The following CTNNA3 variants were observed in gnomAD, a reference collection of about 807,000 sequenced individuals.
The protein encoded by CTNNA3 is catenin alpha 3, also known as catenin alpha-3.
A neutral mutation model predicts 95.7 loss-of-function variants in CTNNA3; 76 were observed. That is an observed-to-expected ratio of 0.79 (90% CI 0.66 to 0.96). The LOEUF is 0.96. CTNNA3 is among the 40% of genes least tolerant of loss of function. The probability of loss-of-function intolerance (pLI) is 0.00; values close to 1 mark genes in which losing one functional copy is unlikely to be tolerated. For synonymous variants in CTNNA3, 431 were observed against 374.4 expected, an observed-to-expected ratio of 1.15 and a Z score of -1.74; for missense variants, 1,191 against 1,089.8, an observed-to-expected ratio of 1.09 and a Z score of -1.31.
In CTNNA3 at chr10:67,606,929, C is replaced by T; in HGVS notation, c.220G>A (p.Glu74Lys). 2 of 1,614,152 alleles carry T rather than the reference C, an allele frequency of 1.2e-6. No individual in the cohort carries two copies. The highest frequency in any genetic ancestry group is 1.7e-6 in the Non-Finnish European group (2 of 1,179,978). The change falls in exon 3 of 18, where the codon GAG (glutamate) becomes AAG (lysine). Residue 74 changes from glutamate to lysine, a missense_variant. Coordinates refer to ENST00000433211, the MANE Select transcript of CTNNA3 (RefSeq NM_013266.4). ...EATWNLLDKG[E>K]KIAQEATVLK... is the part of the protein sequence containing the mutation. ...ACTGTAGCTTCCTGGGCAATCTTCT[C>T]TCCCTTGTCTAATAAATTCCAAGTT...
intron 10 of CTNNA3, among the ~76,000 whole-genome samples, chr10:66,581,753 C>G (rs117860158): frequency 6.6e-6 from 1 of 151,458 alleles, no homozygotes; most frequent in Non-Finnish European, 1.5e-5. Flanking sequence ...CCTAGGTACT[C>G]TTCTAGATCT....
intron 9 of CTNNA3, among the ~76,000 whole-genome samples, chr10:66,756,212 A>G (rs1407632916): frequency 6.6e-6 from 1 of 152,172 alleles, no homozygotes; most frequent in Non-Finnish European, 1.5e-5. Flanking sequence ...GTGAAAAAAG[A>G]GGAGGACAGG....
At chr10:66,637,698 A>G (rs1249953694) in intron 9 of CTNNA3, among the ~76,000 whole-genome samples, 1 of 152,144 alleles carries the variant, frequency 6.6e-6, no homozygotes, top group South Asian at 2.1e-4. Flanking sequence ...TGAGATGGTA[A>G]CCTTAATGAG....
intron 7 of CTNNA3, among the ~76,000 whole-genome samples, chr10:67,139,231 C>T (rs1860431685): frequency 1.3e-5 from 2 of 151,788 alleles, no homozygotes. Context: ...CTCCCAGGTT[C>T]AAGTGCTTCT....
intron 9 of CTNNA3, among the ~76,000 whole-genome samples, chr10:66,705,418 G>C (rs559383035): frequency 7.2e-5 from 11 of 152,094 alleles, no homozygotes; most frequent in African/African-American, 2.6e-4. Flanking sequence ...AAAAATAATT[G>C]TATATACTTG....
chr10:67,382,090 T>C (rs1359786861), intron 5 of CTNNA3, among the ~76,000 whole-genome samples: 1 of 152,214 alleles, frequency 6.6e-6, no homozygotes, highest in Non-Finnish European at 1.5e-5. Flanking sequence ...AATGTTAGTT[T>C]CTTTCATTCT....
At chr10:66,043,153 AAGAGAG>A (rs1160878030) in intron 15 of CTNNA3, among the ~76,000 whole-genome samples, 1 of 132,286 alleles carries the variant, frequency 7.6e-6, no homozygotes, top group African/African-American at 2.8e-5. Flanking sequence ...AAAAAAAAAA[AAGAGAG>A]AGAGAGAAGA....
At chr10:67,399,442 T>C (rs1266953404) in intron 5 of CTNNA3, among the ~76,000 whole-genome samples, 1 of 152,220 alleles carries the variant, frequency 6.6e-6, no homozygotes, top group Non-Finnish European at 1.5e-5. Context: ...AGTAATCAAA[T>C]AAAATTTGCA....
chr10:66,490,685 A>G (rs958939928), intron 11 of CTNNA3, among the ~76,000 whole-genome samples: 1 of 152,140 alleles, frequency 6.6e-6, no homozygotes, highest in Non-Finnish European at 1.5e-5. Context: ...GCCCACTTGA[A>G]CTCATGTGGT....
intron 7 of CTNNA3, among the ~76,000 whole-genome samples, chr10:66,865,132 T>C (rs1844115562): frequency 6.6e-6 from 1 of 152,064 alleles, no homozygotes; most frequent in South Asian, 2.1e-4. Context: ...AATACAGATA[T>C]TGAAGTAGAT....
intron 7 of CTNNA3, among the ~76,000 whole-genome samples, chr10:67,130,109 C>T (rs1859920828): frequency 6.6e-6 from 1 of 152,090 alleles, no homozygotes; most frequent in African/African-American, 2.4e-5. Flanking sequence ...CACCCATCAC[C>T]ATTCCTTTAA....
At chr10:67,008,802 G>C (rs1328272930) in intron 7 of CTNNA3, among the ~76,000 whole-genome samples, 1 of 152,174 alleles carries the variant, frequency 6.6e-6, no homozygotes, top group Non-Finnish European at 1.5e-5. Flanking sequence ...GAAGGCCCCA[G>C]TGCATAAGAA....
At position 65,919,039 on chromosome 10, in the gene CTNNA3, T is replaced by C. The variant is rs991106177; in HGVS notation, c.*1291A>G. On this transcript the variant is annotated 3_prime_UTR_variant, in exon 18 of 18. Transcript: ENST00000433211. ...TGATAATGTAGAATAGAAAATGTTT[T>C]TTAAAGTCTGTGAATCAGAACTCTA... The C allele has an allele frequency of 1.3e-5, 2 of 151,678 alleles. No individual in the cohort carries two copies. Among genetic ancestry groups the C allele is most frequent in the African/African-American group, 4.8e-5 (2 of 41,424 alleles). 9.4% of individuals were successfully genotyped at this position (151,678 alleles called of 1,614,324 possible).
chr10:66,153,482 A>G (rs1353656151), intron 13 of CTNNA3, among the ~76,000 whole-genome samples: 1 of 151,924 alleles, frequency 6.6e-6, no homozygotes, highest in African/African-American at 2.4e-5. Flanking sequence ...AGACAGCCAA[A>G]ATCTCAGTGT....
chr10:65,920,906 T>C lies in CTNNA3; in HGVS notation c.2401-289A>G, dbSNP rs1670144. On this transcript the variant is annotated intron_variant, in intron 17 of 17. Transcript: ENST00000433211. ...ACAATAAGCTGCTCAATATTGTCTA[T>C]GCCCAAACATAAATCAATAAGTTCT... 0.15 allele frequency among the ~76,000 whole-genome samples: 23,001 copies of C among 152,248 alleles called. 2,168 individuals are homozygous for C. The highest frequency in any genetic ancestry group is 0.23 in the South Asian group (1,091 of 4,826).
intron 13 of CTNNA3, among the ~76,000 whole-genome samples, chr10:66,171,304 G>A (rs2085415656): frequency 6.6e-6 from 1 of 151,758 alleles, no homozygotes; most frequent in East Asian, 1.9e-4. Context: ...GCTGGGCACA[G>A]TGGCTCACAC....
chr10:67,532,629 C>T (rs1840364733), intron 4 of CTNNA3, among the ~76,000 whole-genome samples: 1 of 152,062 alleles, frequency 6.6e-6, no homozygotes, highest in African/African-American at 2.4e-5. Context: ...ACTCAATAGT[C>T]AAATTTCCCT....
Position 67,290,209 on chromosome 10 carries a change from G to A in CTNNA3, c.580-70339C>T, listed in dbSNP as rs188053769. Among the ~76,000 whole-genome samples the A allele has an allele frequency of 1.4e-4, 22 of 152,280 alleles. No individual in the cohort carries two copies. In the East Asian group the frequency reaches 4.2e-3, roughly 29 times the overall value. ...TGATTCCCTGCTTACAGTGTTAAGG[G>A]ATGGAGTAATACCTGCTTTTTTTAT... On this transcript the variant is annotated intron_variant, in intron 5 of 17. Transcript: ENST00000433211.
intron 9 of CTNNA3, among the ~76,000 whole-genome samples, chr10:66,655,061 G>A (rs1431326090): frequency 6.6e-6 from 1 of 151,914 alleles, no homozygotes; most frequent in Non-Finnish European, 1.5e-5. Flanking sequence ...CTGTATTCCT[G>A]AAAATTGCTT....
Sources: gnomAD v4.1 joint callset for allele counts (sites outside exome capture counted in the v4.1 genomes callset) on GRCh38, gnomAD v4.1.1 for gene constraint, MANE v1.5 for transcripts, NCBI Gene and HGNC (gene_info 2026-07-23, HGNC 2026-07-21) for gene names.